Variants in SLC22A24 observed in about 807,000 individuals in gnomAD.
SLC22A24 encodes the protein steroid transmembrane transporter SLC22A24.
SLC22A24 carries 53 observed loss-of-function variants against 49.8 expected under a neutral mutation model. The observed-to-expected ratio is 1.06, with a 90% CI of 0.85 to 1.34. SLC22A24 has a LOEUF of 1.34. Among genes scored for constraint, SLC22A24 ranks in the 40% most tolerant of loss-of-function variants. The pLI, the probability that SLC22A24 is intolerant of heterozygous loss-of-function variation, is 0.00. For missense variants in SLC22A24, 786 were observed against 675.9 expected, an observed-to-expected ratio of 1.16 and a Z score of -1.81; for synonymous variants, 302 against 256.4, an observed-to-expected ratio of 1.18 and a Z score of -1.70.
intron 2 of SLC22A24, among the ~76,000 whole-genome samples, chr11:63,134,139 C>T (rs1270164520): frequency 6.6e-6 from 1 of 152,102 alleles, no homozygotes; most frequent in African/African-American, 2.4e-5. Context: ...GCTGCACAAC[C>T]ATCAGATTTT....
chr11:63,111,276 T>A (rs1414400241), intron 4 of SLC22A24, among the ~76,000 whole-genome samples: 1 of 152,016 alleles, frequency 6.6e-6, no homozygotes, highest in African/African-American at 2.4e-5. Flanking sequence ...GATATTTGCA[T>A]CAATGTTCAT....
At position 63,083,390 on chromosome 11, in the gene SLC22A24, G is replaced by C; in HGVS notation, c.1138C>G (p.Leu380Val). Residue 380 changes from leucine (L) to valine (V), a missense_variant, in exon 7 of 10, where the codon CTG becomes GTG. Transcript: ENST00000612278. ...ACAGCTCCACAGAGAATCTGGAACAGGGAGACATTGCTCCCTAAGTGCTGC... is the reference window on the plus strand; with the variant it reads ...ACAGCTCCACAGAGAATCTGGAACACGGAGACATTGCTCCCTAAGTGCTGC... ...NLQHLGSNVS[L>V]FQILCGAVTF... The C allele has an allele frequency of 6.4e-7, 1 of 1,551,656 alleles. No homozygotes were observed. The highest frequency in any genetic ancestry group is 8.7e-7 in the Non-Finnish European group (1 of 1,146,950).
chr11:63,108,913 G>A (rs937276566), intron 4 of SLC22A24, among the ~76,000 whole-genome samples: 6 of 144,272 alleles, frequency 4.2e-5, no homozygotes, highest in East Asian at 2.1e-4. Context: ...AGTTACATAT[G>A]TATACATGTG....
In SLC22A24 at chr11:63,129,124, C is replaced by T. The variant is rs186352960; in HGVS notation, c.506+5541G>A. ...ATGGTGTTAGGTCTTACATTTAAGT[C>T]TTTAATCCATCTTGAGTTAATTTTT... On this transcript the variant is annotated intron_variant, in intron 2 of 9. Transcript: ENST00000612278. Among the ~76,000 whole-genome samples the T allele has an allele frequency of 1.2e-3, 186 of 152,274 alleles. 3 individuals carry two copies. In the East Asian group the frequency reaches 0.034, roughly 28 times the overall value.
chr11:63,108,554 CT>C (rs1242937366), intron 4 of SLC22A24, among the ~76,000 whole-genome samples: 2 of 152,134 alleles, frequency 1.3e-5, no homozygotes, highest in Non-Finnish European at 2.9e-5. Context: ...GTGAACTTGT[CT>C]GCTTCTGGAC....
chr11:63,094,711 T>A (rs1013001004), intron 6 of SLC22A24, among the ~76,000 whole-genome samples: 1 of 152,218 alleles, frequency 6.6e-6, no homozygotes, highest in African/African-American at 2.4e-5. Flanking sequence ...TGGTTTTGAT[T>A]TGCATTTCTC....
chr11:63,088,239 A>G (rs916450822), intron 6 of SLC22A24, among the ~76,000 whole-genome samples: 11 of 152,152 alleles, frequency 7.2e-5, no homozygotes, highest in Admixed American at 2.6e-4. Flanking sequence ...GCAGGCAGCA[A>G]TCTTTGCTGT....
rs869264212 is a variant in SLC22A24, at chr11:63,113,011, CAAAAAA to C, written c.830+5895_830+5900del. ...GCCTGTGTGACAGCAGACTCTGTCTCAAAAAAAAAAAAAAAAAAAAAAAAATATATA... is the reference window on the plus strand; with the variant it reads ...GCCTGTGTGACAGCAGACTCTGTCTCAAAAAAAAAAAAAAAAAAATATATA... On this transcript the variant is annotated intron_variant, in intron 4 of 9. Transcript: ENST00000612278. Among the ~76,000 whole-genome samples, 39 of 12,024 alleles carry C rather than the reference CAAAAAA, an allele frequency of 3.2e-3. 6 individuals carry two copies. Among genetic ancestry groups the C allele is most frequent in the African/African-American group, 7.3e-3 (17 of 2,336 alleles). 7.9% of individuals were successfully genotyped at this position (12,024 alleles called of 152,430 possible).
chr11:63,111,866 T>C (rs1419138740), intron 4 of SLC22A24, among the ~76,000 whole-genome samples: 1 of 151,844 alleles, frequency 6.6e-6, no homozygotes, highest in Non-Finnish European at 1.5e-5. Flanking sequence ...CTGCTCTGAT[T>C]TTAGTTATTT....
At chr11:63,141,511 C>T (rs757506844) in intron 1 of SLC22A24, among the ~76,000 whole-genome samples, 4 of 152,100 alleles carry the variant, frequency 2.6e-5, no homozygotes, top group African/African-American at 9.7e-5. Context: ...CTTATGGAAC[C>T]AATTAAAACC....
chr11:63,130,982 G>A (rs1301092837), intron 2 of SLC22A24, among the ~76,000 whole-genome samples: 6 of 151,888 alleles, frequency 4.0e-5, no homozygotes, highest in African/African-American at 9.7e-5. Context: ...TATATATTTA[G>A]GATAGTTAGC....
rs373894471 is a variant in SLC22A24, at chr11:63,129,151, T to C, written c.506+5514A>G. On this transcript the variant is annotated intron_variant, in intron 2 of 9. Coordinates refer to ENST00000612278, the MANE Select transcript of SLC22A24 (RefSeq NM_001136506.2). ...TTAATCCATCTTGAGTTAATTTTTG[T>C]ATAAGGTGTAAGGAAGGGATCCAGT... Among the ~76,000 whole-genome samples, 6 of 152,322 alleles carry C rather than the reference T, an allele frequency of 3.9e-5. No homozygotes were observed. In the East Asian group the frequency reaches 9.6e-4, roughly 24 times the overall value.
intron 6 of SLC22A24, among the ~76,000 whole-genome samples, chr11:63,090,818 A>C (rs1388995492): frequency 2.0e-5 from 3 of 152,094 alleles, no homozygotes; most frequent in African/African-American, 4.8e-5. Flanking sequence ...AATGCCTACC[A>C]CAGAAAGCTG....
chr11:63,142,258 G>A (rs2087420354), intron 1 of SLC22A24, among the ~76,000 whole-genome samples: 1 of 152,144 alleles, frequency 6.6e-6, no homozygotes, highest in Admixed American at 6.5e-5. Context: ...TCCCCTGTCA[G>A]CAGGAAGAAG....
intron 5 of SLC22A24, among the ~76,000 whole-genome samples, 169 bp from the exon 6 acceptor site, chr11:63,096,275 C>T (rs909484374): frequency 6.6e-6 from 1 of 151,954 alleles, no homozygotes; most frequent in Non-Finnish European, 1.5e-5. Flanking sequence ...TGAAGTGTTA[C>T]AAAAGGTGTA....
intron 6 of SLC22A24, among the ~76,000 whole-genome samples, chr11:63,095,739 C>A (rs1049150267): frequency 1.3e-5 from 2 of 152,072 alleles, no homozygotes; most frequent in Non-Finnish European, 2.9e-5. Context: ...CTTACTATCA[C>A]CATAATATCC....
At chr11:63,098,427 G>A (rs960984932) in intron 5 of SLC22A24, among the ~76,000 whole-genome samples, 1 of 152,106 alleles carries the variant, frequency 6.6e-6, no homozygotes, top group Non-Finnish European at 1.5e-5. Flanking sequence ...TCAGCACTTG[G>A]GAGGCCAAAG....
chr11:63,104,092 G>A (rs745320727), intron 5 of SLC22A24, 83 bp downstream of exon 5: 4 of 1,417,924 alleles, frequency 2.8e-6, no homozygotes, highest in Non-Finnish European at 3.8e-6. Flanking sequence ...GTCTAATTCT[G>A]TCACTCCAGG....
intron 4 of SLC22A24, among the ~76,000 whole-genome samples, chr11:63,108,363 A>G (rs918156216): frequency 2.6e-5 from 4 of 152,186 alleles, no homozygotes; most frequent in African/African-American, 9.7e-5. Flanking sequence ...TTTTCATATC[A>G]ATGTTCATCA....
Sources: allele counts gnomAD v4.1 joint callset (sites outside exome capture counted in the v4.1 genomes callset), GRCh38; gene constraint gnomAD v4.1.1; transcripts MANE v1.5; gene names NCBI Gene and HGNC (gene_info 2026-07-23, HGNC 2026-07-21).